PDZRN4: variants seen among roughly 807,000 people sequenced by gnomAD.
The protein encoded by PDZRN4 is PDZ domain containing ring finger 4.
PDZRN4 carries 70 observed loss-of-function variants against 99.0 expected under a neutral mutation model. That is an observed-to-expected ratio of 0.71 (90% CI 0.58 to 0.86). The LOEUF (loss-of-function observed/expected upper bound fraction) is 0.86. Ranked by LOEUF, PDZRN4 falls within the 40% of genes least tolerant of loss-of-function variation. PDZRN4 has a pLI of 0.00. For missense variants in PDZRN4, 1,474 were observed against 1,331.2 expected, an observed-to-expected ratio of 1.11 and a Z score of -1.67; for synonymous variants, 551 against 501.6, an observed-to-expected ratio of 1.10 and a Z score of -1.32.
intron 3 of PDZRN4, among the ~76,000 whole-genome samples, chr12:41,221,840 C>T (rs1355741158): frequency 6.6e-6 from 1 of 152,228 alleles, no homozygotes; most frequent in South Asian, 2.1e-4. Context: ...CCCTAACTTT[C>T]CTGGCACAAC....
intron 3 of PDZRN4, among the ~76,000 whole-genome samples, chr12:41,253,769 T>C (rs1391942921): frequency 1.3e-5 from 2 of 151,978 alleles, no homozygotes; most frequent in East Asian, 3.9e-4. Context: ...ATAAAGAAAA[T>C]GTGATACATA....
chr12:41,382,832 A>G (rs1270043292), intron 3 of PDZRN4, among the ~76,000 whole-genome samples: 1 of 152,236 alleles, frequency 6.6e-6, no homozygotes, highest in Non-Finnish European at 1.5e-5. Flanking sequence ...AAGGGCTACT[A>G]CTAAAGAATA....
intron 3 of PDZRN4, among the ~76,000 whole-genome samples, chr12:41,317,032 T>A (rs755848468): frequency 1.4e-3 from 43 of 30,802 alleles, no homozygotes; most frequent in Admixed American, 9.1e-3. Context: ...CTCCAGAGAA[T>A]CATAACTTAC....
intron 5 of PDZRN4, among the ~76,000 whole-genome samples, chr12:41,528,656 G>T (rs751242180): frequency 1.9e-4 from 29 of 152,240 alleles, no homozygotes; most frequent in Middle Eastern, 6.8e-3. Context: ...ATCCTGCCTC[G>T]CATTGTTTGT....
chr12:41,341,975 C>T (rs925117879), intron 3 of PDZRN4, among the ~76,000 whole-genome samples: 3 of 151,928 alleles, frequency 2.0e-5, no homozygotes, highest in African/African-American at 4.8e-5. Flanking sequence ...GTAACCAAAA[C>T]AGCATGGTAC....
At chr12:41,209,851 G>T (rs1288609677) in intron 3 of PDZRN4, among the ~76,000 whole-genome samples, 2 of 149,468 alleles carry the variant, frequency 1.3e-5, no homozygotes, top group African/African-American at 4.9e-5. Context: ...TAGTCCTTTG[G>T]GTATATACCC....
At chr12:41,366,204 C>A (rs1218740994) in intron 3 of PDZRN4, among the ~76,000 whole-genome samples, 1 of 152,106 alleles carries the variant, frequency 6.6e-6, no homozygotes, top group African/African-American at 2.4e-5. Flanking sequence ...GAAATAAATC[C>A]TCCTTTTAAA....
intron 8 of PDZRN4, 84 bp from the exon 9 acceptor site, chr12:41,567,699 T>C: frequency 1.5e-6 from 1 of 677,540 alleles, no homozygotes; most frequent in Non-Finnish European, 2.4e-6. Flanking sequence ...AAGGAACTCG[T>C]CGGGCACCGG....
intron 3 of PDZRN4, among the ~76,000 whole-genome samples, chr12:41,400,138 C>G (rs181442976): frequency 6.6e-6 from 1 of 152,298 alleles, no homozygotes; most frequent in Admixed American, 6.5e-5. Flanking sequence ...GAGAGCAATA[C>G]ACAATACATC....
chr12:41,473,028 A>G (rs1172275098), intron 3 of PDZRN4, among the ~76,000 whole-genome samples: 1 of 152,224 alleles, frequency 6.6e-6, no homozygotes, highest in Non-Finnish European at 1.5e-5. Context: ...ACTTTATTTC[A>G]GAACAGAAAA....
At chr12:41,474,975 A>T (rs1565592637) in intron 3 of PDZRN4, among the ~76,000 whole-genome samples, 1 of 152,210 alleles carries the variant, frequency 6.6e-6, no homozygotes, top group Non-Finnish European at 1.5e-5. Context: ...TGGAAAATGC[A>T]AGTAGAACTA....
At chr12:41,265,962 C>T (rs917162310) in intron 3 of PDZRN4, among the ~76,000 whole-genome samples, 2 of 151,950 alleles carry the variant, frequency 1.3e-5, no homozygotes, top group East Asian at 1.9e-4. Flanking sequence ...TTTTTCTTCT[C>T]GGTTCGTAAT....
chr12:41,358,192 G>A lies in PDZRN4; in HGVS notation c.844-148264G>A, dbSNP rs572063604. On this transcript the variant is annotated intron_variant, in intron 3 of 9. Coordinates refer to ENST00000402685, the MANE Select transcript of PDZRN4 (RefSeq NM_001164595.2). Reference sequence around the variant, plus strand: ...TCTTCTCAACACAGGAAGATTATGGGAGGTTGACAAAAAGCACAGCCTCAA... The same window carrying A: ...TCTTCTCAACACAGGAAGATTATGGAAGGTTGACAAAAAGCACAGCCTCAA... Among the ~76,000 whole-genome samples the A allele has an allele frequency of 3.9e-5, 6 of 152,026 alleles. No individual in the cohort carries two copies. In the South Asian group the frequency reaches 1.2e-3, roughly 32 times the overall value.
In PDZRN4 at chr12:41,188,641, C is replaced by A; in HGVS notation, c.186C>A (p.Gly62=). The change falls in exon 1 of 10, where the codon GGC becomes GGA. Residue 62 remains glycine (G), a synonymous_variant. Transcript: ENST00000402685. ...TGCAGTGCCAGCCCTTGGCGCCCGG[C>A]GAGCTGTACCGGGTGCTGCCGCTGC... ...CPLQCQPLAP[G]ELYRVLPLRS... 1 of 1,541,450 alleles carries A rather than the reference C, an allele frequency of 6.5e-7. No homozygotes were observed. The highest frequency in any genetic ancestry group is 8.7e-7 in the Non-Finnish European group (1 of 1,150,876).
rs745973484 is a variant in PDZRN4 at position 41,188,970 on chromosome 12, AGGCGCTGCTGGCGCAGCTCTG to A, written c.524_544del (p.Leu175_Leu181del). ...GTCCTCGCCTGGAGGCGGCGCGAGAAGGCGCTGCTGGCGCAGCTCTGGGCGCTGCAGGGCGAGGTGCAGCTC... is the reference window on the plus strand; with the variant it reads ...GTCCTCGCCTGGAGGCGGCGCGAGAAGGCGCTGCAGGGCGAGGTGCAGCTC... On this transcript the variant is annotated inframe_deletion, in exon 1 of 10. Transcript: ENST00000402685. 22 of 1,470,604 alleles carry A rather than the reference AGGCGCTGCTGGCGCAGCTCTG, an allele frequency of 1.5e-5. No homozygotes were observed. Among genetic ancestry groups the A allele is most frequent in the African/African-American group, 8.7e-5 (6 of 68,674 alleles). 91.1% of individuals were successfully genotyped at this position (1,470,604 alleles called of 1,614,324 possible).
At chr12:41,335,962 A>G (rs1433410506) in intron 3 of PDZRN4, among the ~76,000 whole-genome samples, 2 of 152,156 alleles carry the variant, frequency 1.3e-5, no homozygotes, top group African/African-American at 2.4e-5. Context: ...TCTGGTGCAC[A>G]GAACAACTCC....
intron 3 of PDZRN4, among the ~76,000 whole-genome samples, chr12:41,437,226 T>C (rs1339776961): frequency 6.6e-6 from 1 of 152,176 alleles, no homozygotes; most frequent in Non-Finnish European, 1.5e-5. Context: ...CCCTGCCTTC[T>C]CTTCCTTTTC....
chr12:41,306,007 A>G (rs1266990808), intron 3 of PDZRN4, among the ~76,000 whole-genome samples: 1 of 152,184 alleles, frequency 6.6e-6, no homozygotes, highest in African/African-American at 2.4e-5. Flanking sequence ...CAATAGTGGG[A>G]CAGGCATAGT....
intron 3 of PDZRN4, among the ~76,000 whole-genome samples, chr12:41,249,248 G>C (rs941115066): frequency 1.3e-5 from 2 of 152,086 alleles, no homozygotes; most frequent in African/African-American, 4.8e-5. Context: ...GGCAAAAATC[G>C]CAAGTACTTC....
Sources: allele counts gnomAD v4.1 joint callset (sites outside exome capture counted in the v4.1 genomes callset), GRCh38; gene constraint gnomAD v4.1.1; transcripts MANE v1.5; gene names NCBI Gene and HGNC (gene_info 2026-07-23, HGNC 2026-07-21).